The following ZNF831 variants were observed in gnomAD, a reference collection of about 807,000 sequenced individuals.
ZNF831 encodes chromosome 20 open reading frame 174.
In ZNF831, 59 loss-of-function variants were observed where a neutral mutation model predicts 95.8. The ratio of observed to expected loss-of-function variants is 0.62; its 90% CI spans 0.50 to 0.77. ZNF831 has a LOEUF of 0.77. Among genes scored for constraint, ZNF831 ranks in the 30% least tolerant of loss-of-function variants. The pLI is 0.00. For missense variants in ZNF831, 2,205 were observed against 2,164.0 expected, an observed-to-expected ratio of 1.02 and a Z score of -0.38; for synonymous variants, 961 against 925.5, an observed-to-expected ratio of 1.04 and a Z score of -0.70.
At chr20:59,127,583 C>T (rs1446835768) in intron 1 of ZNF831, among the ~76,000 whole-genome samples, 5 of 152,186 alleles carry the variant, frequency 3.3e-5, no homozygotes, top group Admixed American at 6.5e-5. Context: ...GACTGGTTTC[C>T]CTCCGACGGG....
At position 59,253,869 on chromosome 20, in the gene ZNF831, C is replaced by CCT. The variant is rs1555837608; in HGVS notation, c.4189-29_4189-28insCT. ...TTGTACCAATTAACCTCCCCCCCCA[C>CCT]TTTTTTTTTCCTTTGCACTTTGTTG... On this transcript the variant is annotated intron_variant, in intron 5 of 5. Transcript: ENST00000371030. 9.4e-4 allele frequency: 1,004 copies of CCT among 1,065,916 alleles called. 44 individuals carry two copies. Among genetic ancestry groups the CCT allele is most frequent in the South Asian group, 3.4e-3 (168 of 49,750 alleles). The allele number at this position is 1,065,916 out of a possible 1,614,324, so 66.0% of individuals were successfully genotyped here. A position where few individuals can be genotyped will look rare whatever the true frequency, so the allele number is the denominator to read the frequency against.
chr20:59,129,125 T>A (rs76116098), intron 1 of ZNF831, among the ~76,000 whole-genome samples: 16,522 of 152,260 alleles, frequency 0.11, 971 homozygotes, highest in African/African-American at 0.12. Context: ...TTTCCCGTGG[T>A]TCCTACACCT....
intron 4 of ZNF831, among the ~76,000 whole-genome samples, chr20:59,237,277 T>C (rs991203672): frequency 2.6e-5 from 4 of 152,196 alleles, no homozygotes; most frequent in African/African-American, 7.2e-5. Flanking sequence ...TAATAAAAAC[T>C]TCCTAAGAGG....
In ZNF831 at chr20:59,192,830, G is replaced by A. The variant is rs2146572721; in HGVS notation, c.1811G>A (p.Gly604Asp). ...EAMAGKGRAG[G>D]RKCGQRRLKM... ...ATGGCCGGCAAGGGCAGAGCGGGCGGCAGGAAGTGCGGCCAGAGAAGGCTG... is the reference window on the plus strand; with the variant it reads ...ATGGCCGGCAAGGGCAGAGCGGGCGACAGGAAGTGCGGCCAGAGAAGGCTG... Residue 604 changes from glycine (G) to aspartate (D), a missense_variant, in exon 2 of 6, where the codon GGC (glycine) becomes GAC (aspartate). Gly to Asp is a moderately conservative substitution (Grantham distance 94). Coordinates refer to ENST00000371030, the MANE Select transcript of ZNF831 (RefSeq NM_178457.3). This position sits in a 1 kb window ranked among gnomAD's most constrained non-coding sequence, Gnocchi z 5.2. 6.2e-7 allele frequency: 1 copy of A among 1,608,018 alleles called. No individual in the cohort carries two copies. The highest frequency in any genetic ancestry group is 8.5e-7 in the Non-Finnish European group (1 of 1,177,402).
intron 4 of ZNF831, among the ~76,000 whole-genome samples, chr20:59,249,905 T>A (rs259962): frequency 6.6e-6 from 1 of 151,854 alleles, no homozygotes; most frequent in South Asian, 2.1e-4. Flanking sequence ...AGAAACGACT[T>A]GGAGAAGAAA....
chr20:59,220,789 G>A (rs1190770330), intron 4 of ZNF831, among the ~76,000 whole-genome samples: 3 of 151,984 alleles, frequency 2.0e-5, no homozygotes, highest in Admixed American at 1.3e-4. Context: ...AAAGCCTAAC[G>A]TTTCCCTTTC....
chr20:59,183,156 G>A (rs1479683696), intron 1 of ZNF831, among the ~76,000 whole-genome samples: 1 of 152,196 alleles, frequency 6.6e-6, no homozygotes, highest in Non-Finnish European at 1.5e-5. Context: ...AGGCATGAGA[G>A]GCCAACGTGG....
chr20:59,135,655 C>T (rs1239130008), intron 1 of ZNF831, among the ~76,000 whole-genome samples: 6 of 151,922 alleles, frequency 3.9e-5, no homozygotes, highest in East Asian at 1.9e-4. Flanking sequence ...GGTGTGAACC[C>T]GGGGGGCGGA....
At chr20:59,244,272 GA>G (rs900701589) in intron 4 of ZNF831, among the ~76,000 whole-genome samples, 7 of 152,264 alleles carry the variant, frequency 4.6e-5, no homozygotes, top group East Asian at 3.9e-4. Context: ...GCTAGAGGTG[GA>G]AAAAATATAT....
upstream of ZNF831, among the ~76,000 whole-genome samples, chr20:59,162,545 G>A (rs1049174687): frequency 3.3e-5 from 5 of 152,144 alleles, no homozygotes; most frequent in African/African-American, 7.2e-5. Flanking sequence ...TTATTGAATA[G>A]GGGGTCCTTT....
chr20:59,197,131 T>C (rs1255216220), intron 3 of ZNF831, among the ~76,000 whole-genome samples: 1 of 152,054 alleles, frequency 6.6e-6, no homozygotes, highest in Non-Finnish European at 1.5e-5. Flanking sequence ...GCGATCCAAA[T>C]TCCTAACTTT....
intron 4 of ZNF831, among the ~76,000 whole-genome samples, chr20:59,240,828 T>A (rs567212076): frequency 4.6e-5 from 7 of 152,052 alleles, no homozygotes; most frequent in Non-Finnish European, 7.4e-5. Context: ...AATAAATAAA[T>A]AAAAATATTT....
intron 1 of ZNF831, among the ~76,000 whole-genome samples, chr20:59,183,041 G>A (rs778240065): frequency 1.6e-4 from 24 of 152,330 alleles, no homozygotes; most frequent in Admixed American, 7.2e-4. Context: ...GTGGGTGGGC[G>A]ACTGAGAGGG....
At chr20:59,189,726 G>A (rs565779618) in intron 1 of ZNF831, among the ~76,000 whole-genome samples, 4 of 152,292 alleles carry the variant, frequency 2.6e-5, no homozygotes, top group Admixed American at 2.6e-4. Flanking sequence ...GGACAGGCTG[G>A]TCTTGAACTC....
At chr20:59,175,445 G>A (rs1224052997) in intron 1 of ZNF831, among the ~76,000 whole-genome samples, 1 of 151,188 alleles carries the variant, frequency 6.6e-6, no homozygotes, top group Admixed American at 6.6e-5. Context: ...TTTTCATCCT[G>A]TTTTCTCTCT....
chr20:59,166,354 T>C (rs1252165970), intron 1 of ZNF831, among the ~76,000 whole-genome samples: 1 of 152,236 alleles, frequency 6.6e-6, no homozygotes, highest in Admixed American at 6.5e-5. Context: ...TTTATTACTT[T>C]CATAAATTAG....
Position 59,148,472 on chromosome 20 carries a change from G to A in ZNF831, c.-1281+2098G>A, listed in dbSNP as rs567881753. 6.8e-5 allele frequency among the ~76,000 whole-genome samples: 8 copies of A among 117,504 alleles called. No homozygotes were observed. The East Asian group carries it at 1.6e-3, about 23-fold the overall frequency. The allele number at this position is 117,504 out of a possible 152,430, so 77.1% of individuals were successfully genotyped here. ...CGAGACGGGCAGATCACGAGGTCAG[G>A]AGATCGAGACCATCCTGGCTAACAC... On this transcript the variant is annotated intron_variant, in intron 2 of 7. Transcript: ENST00000637017.
rs1322336287 is a variant in ZNF831 at position 59,166,534 on chromosome 20, G to T, written c.-37+2327G>T. Among the ~76,000 whole-genome samples the T allele has an allele frequency of 2.0e-5, 3 of 152,040 alleles. No individual in the cohort carries two copies. In the East Asian group the frequency reaches 5.8e-4, roughly 29 times the overall value. Reference sequence around the variant, plus strand: ...TACAGAACATTTCTGTCACCGCAAGGATGCGTCGTGGACACCCCAAATCCC... The same window carrying T: ...TACAGAACATTTCTGTCACCGCAAGTATGCGTCGTGGACACCCCAAATCCC... On this transcript the variant is annotated intron_variant, in intron 1 of 5. Coordinates refer to ENST00000371030, the MANE Select transcript of ZNF831 (RefSeq NM_178457.3).
intron 1 of ZNF831, among the ~76,000 whole-genome samples, chr20:59,127,316 T>C (rs1273635707): frequency 6.6e-6 from 1 of 152,178 alleles, no homozygotes; most frequent in Non-Finnish European, 1.5e-5. Context: ...GGCCCTGTCA[T>C]CTCACCCTAG....
Sources: gnomAD v4.1 joint callset for allele counts (sites outside exome capture counted in the v4.1 genomes callset) on GRCh38, gnomAD v4.1.1 for gene constraint, Gnocchi (gnomAD v3.1) non-coding constraint, MANE v1.5 for transcripts, NCBI Gene and HGNC (gene_info 2026-07-23, HGNC 2026-07-21) for gene names.